PALM2AKAP2: variants seen among roughly 807,000 people sequenced by gnomAD.
PALM2AKAP2 encodes PALM2 and AKAP2 fusion, also known as PALM2-AKAP2 fusion protein.
In PALM2AKAP2, 37 loss-of-function variants were observed where a neutral mutation model predicts 71.5. The ratio of observed to expected loss-of-function variants is 0.52; its 90% CI spans 0.40 to 0.68. The LOEUF (loss-of-function observed/expected upper bound fraction) is 0.68. Ranked by LOEUF, PALM2AKAP2 falls within the 30% of genes least tolerant of loss-of-function variation. PALM2AKAP2 has a pLI of 0.00. For synonymous variants in PALM2AKAP2, 468 were observed against 478.8 expected (o/e 0.98, Z 0.29); for missense variants, 1,224 against 1,191.8 (o/e 1.03, Z -0.40).
At chr9:110,132,618 C>T (rs150118968) in intron 1 of PALM2AKAP2, among the ~76,000 whole-genome samples, 6 of 150,782 alleles carry the variant, frequency 4.0e-5, no homozygotes, top group Non-Finnish European at 7.4e-5. Context: ...GCGTGAGCCA[C>T]CACACCCAGC....
chr9:109,779,368 C>A (rs1564144350), upstream of PALM2AKAP2, among the ~76,000 whole-genome samples: 1 of 152,152 alleles, frequency 6.6e-6, no homozygotes, highest in Non-Finnish European at 1.5e-5. Flanking sequence ...GTGAGTAGAT[C>A]CTACTTTTCC....
At chr9:109,670,800 A>G (rs1423665658) in intron 1 of PALM2AKAP2, among the ~76,000 whole-genome samples, 2 of 152,134 alleles carry the variant, frequency 1.3e-5, no homozygotes, top group Non-Finnish European at 2.9e-5. Flanking sequence ...TGACTATTTA[A>G]TAATAGCCAT....
chr9:110,158,580 A>G (rs1271979514), intron 3 of PALM2AKAP2, among the ~76,000 whole-genome samples: 11 of 152,214 alleles, frequency 7.2e-5, no homozygotes, highest in Admixed American at 6.5e-4. Context: ...ACAAATGCCA[A>G]CCAGGTTGAG....
intron 2 of PALM2AKAP2, 92 bp from the exon 3 acceptor site, chr9:109,880,459 G>C (rs1032571919): frequency 1.3e-6 from 2 of 1,537,756 alleles, no homozygotes; most frequent in African/African-American, 2.7e-5. Flanking sequence ...GCGCTGGTGA[G>C]GGGTGGAGCT....
intron 1 of PALM2AKAP2, among the ~76,000 whole-genome samples, chr9:109,655,332 C>A (rs972621633): frequency 6.6e-6 from 1 of 150,496 alleles, no homozygotes; most frequent in African/African-American, 2.4e-5. Flanking sequence ...TGCTCAAGGG[C>A]AGCCATAGGC....
At position 110,135,164 on chromosome 9, in the gene PALM2AKAP2, A is replaced by AAAAAAAAAAAAAATATAT; in HGVS notation, c.157-962_157-961insAAAAAAAAAAAATATATA. Among the ~76,000 whole-genome samples, 14 of 51,722 alleles carry AAAAAAAAAAAAAATATAT rather than the reference A, an allele frequency of 2.7e-4. 2 individuals are homozygous for AAAAAAAAAAAAAATATAT. Among genetic ancestry groups the AAAAAAAAAAAAAATATAT allele is most frequent in the African/African-American group, 3.7e-4 (5 of 13,626 alleles). The allele number at this position is 51,722 out of a possible 152,430, so 33.9% of individuals were successfully genotyped here. ...AACTCTGTCTCTACAAAAAAAAAAAAATATATAAATATATATATATATATA... is the reference window on the plus strand; with the variant it reads ...AACTCTGTCTCTACAAAAAAAAAAAAAAAAAAAAAAAAATATATATATATAAATATATATATATATATA... On this transcript the variant is annotated intron_variant, in intron 1 of 3. Transcript: ENST00000374525.
chr9:109,806,045 A>G (rs1027943363), intron 1 of PALM2AKAP2, among the ~76,000 whole-genome samples: 2 of 152,198 alleles, frequency 1.3e-5, no homozygotes, highest in African/African-American at 4.8e-5. Flanking sequence ...AGCCCCATCC[A>G]AGGTTACATA....
chr9:110,132,504 A>G (rs575022438), intron 1 of PALM2AKAP2, among the ~76,000 whole-genome samples: 22 of 151,702 alleles, frequency 1.5e-4, no homozygotes, highest in African/African-American at 5.1e-4. Flanking sequence ...CAACTTTTGT[A>G]TTTTTAGTGG....
chr9:110,107,660 G>A (rs1049898531), intron 1 of PALM2AKAP2, among the ~76,000 whole-genome samples: 12 of 152,130 alleles, frequency 7.9e-5, no homozygotes, highest in East Asian at 5.8e-4. Flanking sequence ...TCCTCCTCCC[G>A]GGTTCAAGCG....
At chr9:109,739,326 T>C (rs1828683462) in intron 1 of PALM2AKAP2, among the ~76,000 whole-genome samples, 1 of 152,178 alleles carries the variant, frequency 6.6e-6, no homozygotes, top group Admixed American at 6.5e-5. Context: ...GAAACGGAAG[T>C]GTGGCCTCAT....
At chr9:109,973,701 A>G (rs1164331010) in intron 6 of PALM2AKAP2, among the ~76,000 whole-genome samples, 1 of 152,200 alleles carries the variant, frequency 6.6e-6, no homozygotes, top group African/African-American at 2.4e-5. Flanking sequence ...CATGAATGCT[A>G]TCTAGTTTTA....
At chr9:109,914,101 T>C (rs570669972) in intron 3 of PALM2AKAP2, among the ~76,000 whole-genome samples, 1 of 152,286 alleles carries the variant, frequency 6.6e-6, no homozygotes, top group Admixed American at 6.5e-5. Context: ...GGTCTGCAGT[T>C]ATGTAAACAT....
chr9:109,995,877 G>C (rs530202850), intron 6 of PALM2AKAP2, among the ~76,000 whole-genome samples: 3 of 152,320 alleles, frequency 2.0e-5, no homozygotes, highest in African/African-American at 7.2e-5. Flanking sequence ...TTGGAGGCCT[G>C]AACTGGTGCA....
At chr9:109,817,836 T>C (rs1827890683) in intron 1 of PALM2AKAP2, among the ~76,000 whole-genome samples, 1 of 152,176 alleles carries the variant, frequency 6.6e-6, no homozygotes, top group African/African-American at 2.4e-5. Context: ...ATTTAGGTTG[T>C]TAGTGGAAAA....
At chr9:109,935,148 G>T (rs1831193059) in intron 6 of PALM2AKAP2, among the ~76,000 whole-genome samples, 2 of 152,148 alleles carry the variant, frequency 1.3e-5, no homozygotes, top group African/African-American at 4.8e-5. Context: ...TTGAATCTAG[G>T]CCTCAACAAG....
chr9:110,052,700 G>C (rs866035614), intron 1 of PALM2AKAP2, among the ~76,000 whole-genome samples: 2 of 152,218 alleles, frequency 1.3e-5, no homozygotes, highest in South Asian at 2.1e-4. Context: ...GTGTTTCTAA[G>C]ATGTAACCCC....
chr9:109,925,716 C>T (rs942935646), intron 5 of PALM2AKAP2, among the ~76,000 whole-genome samples: 1 of 152,100 alleles, frequency 6.6e-6, no homozygotes, highest in African/African-American at 2.4e-5. Context: ...CCCTACCTTT[C>T]CTCTGTCCTC....
At chr9:109,923,846 G>A in exon 4 of PALM2AKAP2, 1 of 1,578,980 alleles carries the variant, frequency 6.3e-7, no homozygotes, top group Non-Finnish European at 8.6e-7. Flanking sequence ...AGGACTTTCA[G>A]AAGGTGAAGA....
chr9:109,924,341 G>A (rs1335707832), intron 4 of PALM2AKAP2, among the ~76,000 whole-genome samples: 1 of 152,186 alleles, frequency 6.6e-6, no homozygotes, highest in East Asian at 1.9e-4. Context: ...GATGGTGCCT[G>A]TAATCCCAGC....
Sources: gnomAD v4.1 joint callset for allele counts (sites outside exome capture counted in the v4.1 genomes callset) on GRCh38, gnomAD v4.1.1 for gene constraint, MANE v1.5 for transcripts, NCBI Gene and HGNC (gene_info 2026-07-23, HGNC 2026-07-21) for gene names.